Variants in SNX29 observed in about 807,000 individuals in gnomAD.
SNX29 encodes the protein sorting nexin-29.
In SNX29, 78 loss-of-function variants were observed where a neutral mutation model predicts 102.1. That is an observed-to-expected ratio of 0.76 (90% CI 0.64 to 0.92). The LOEUF is 0.92. Among genes scored for constraint, SNX29 ranks in the 40% least tolerant of loss-of-function variants. The probability of loss-of-function intolerance (pLI) is 0.00; values close to 1 mark genes in which losing one functional copy is unlikely to be tolerated. For missense variants in SNX29, 1,280 were observed against 1,061.7 expected (o/e 1.21, Z -2.86); for synonymous variants, 580 against 414.5 (o/e 1.40, Z -4.85).
chr16:12,548,791 T>TCA (rs2077774253), intron 20 of SNX29, among the ~76,000 whole-genome samples: 1 of 152,190 alleles, frequency 6.6e-6, no homozygotes, highest in South Asian at 2.1e-4. Context: ...CAGTGCTGGG[T>TCA]CATAGCTGGG....
intron 18 of SNX29, among the ~76,000 whole-genome samples, chr16:12,455,761 C>T (rs928003354): frequency 6.6e-6 from 1 of 152,210 alleles, no homozygotes; most frequent in Non-Finnish European, 1.5e-5. Context: ...ATCCTTTGCT[C>T]ACTGCCAGAT....
intron 13 of SNX29, among the ~76,000 whole-genome samples, chr16:12,167,821 C>T (rs544998092): frequency 2.5e-4 from 38 of 152,292 alleles, no homozygotes; most frequent in Admixed American, 9.2e-4. Flanking sequence ...GCAGGGCCAC[C>T]GTTTATTTCG....
intron 10 of SNX29, among the ~76,000 whole-genome samples, chr16:12,071,114 T>G (rs1271210265): frequency 6.6e-6 from 1 of 151,964 alleles, no homozygotes; most frequent in East Asian, 1.9e-4. Context: ...TCCCATTCTG[T>G]AGGTTGCCTG....
At chr16:12,487,563 C>T (rs1597575015) in intron 19 of SNX29, among the ~76,000 whole-genome samples, 1 of 152,306 alleles carries the variant, frequency 6.6e-6, no homozygotes, top group East Asian at 1.9e-4. Context: ...CACCACCCAG[C>T]CCTCCGTGGA....
chr16:12,389,558 C>G (rs1393508807), intron 16 of SNX29, among the ~76,000 whole-genome samples: 3 of 152,108 alleles, frequency 2.0e-5, no homozygotes, highest in Non-Finnish European at 1.5e-5. Flanking sequence ...TCCATTAAAC[C>G]TCTTTCCTTT....
chr16:12,396,003 C>T (rs1191585227), intron 16 of SNX29, among the ~76,000 whole-genome samples: 3 of 152,134 alleles, frequency 2.0e-5, no homozygotes, highest in Admixed American at 1.3e-4. Context: ...AATTCTTTTT[C>T]GAAGCAGCCT....
At chr16:12,333,683 T>C (rs569665411) in intron 15 of SNX29, among the ~76,000 whole-genome samples, 13 of 152,122 alleles carry the variant, frequency 8.5e-5, no homozygotes, top group Non-Finnish European at 1.5e-4. Flanking sequence ...TCTAATCTTT[T>C]CATGGCTCCT....
In SNX29 at chr16:12,459,815, A is replaced by C. The variant is rs551494885; in HGVS notation, c.2038-17904A>C. ...CTTTCCAGCTCTTGCTTTTTTTGAG[A>C]TACCCTTGTACCCGTCCAGTAATAC... On this transcript the variant is annotated intron_variant, in intron 18 of 20. Transcript: ENST00000566228. Among the ~76,000 whole-genome samples, 32 of 151,974 alleles carry C rather than the reference A, an allele frequency of 2.1e-4. No individual in the cohort carries two copies. In the East Asian group the frequency reaches 6.2e-3, roughly 29 times the overall value.
chr16:12,398,240 C>G (rs1393714542), intron 16 of SNX29, among the ~76,000 whole-genome samples: 1 of 152,200 alleles, frequency 6.6e-6, no homozygotes, highest in Non-Finnish European at 1.5e-5. Context: ...TGAGATCCCT[C>G]ATGGTGGCAT....
chr16:12,012,473 G>C (rs886724274), intron 3 of SNX29, among the ~76,000 whole-genome samples: 4 of 152,050 alleles, frequency 2.6e-5, no homozygotes, highest in Non-Finnish European at 4.4e-5. Context: ...CAGTGGTGCA[G>C]TCTTGGCTCA....
At chr16:12,517,278 C>T (rs2089907781) in intron 19 of SNX29, among the ~76,000 whole-genome samples, 1 of 152,218 alleles carries the variant, frequency 6.6e-6, no homozygotes, top group African/African-American at 2.4e-5. Flanking sequence ...CCAGAAAACT[C>T]ACAGATCCCT....
Position 12,199,584 on chromosome 16 carries a change from C to T in SNX29, c.1596-17C>T, listed in dbSNP as rs2076863326. 6.2e-7 allele frequency: 1 copy of T among 1,600,192 alleles called. No individual in the cohort carries two copies. Among genetic ancestry groups the T allele is most frequent in the African/African-American group, 1.3e-5 (1 of 74,134 alleles). On this transcript the variant is annotated splice_polypyrimidine_tract_variant and intron_variant, in intron 13 of 20. Transcript: ENST00000566228. Reference sequence around the variant, plus strand: ...ACTTTTTAAATATATATTTTTTTAACATTCTTGTACCTGCAGAGAGAACGA... The same window carrying T: ...ACTTTTTAAATATATATTTTTTTAATATTCTTGTACCTGCAGAGAGAACGA...
chr16:12,388,184 C>A (rs924332180), intron 16 of SNX29, among the ~76,000 whole-genome samples: 12 of 152,144 alleles, frequency 7.9e-5, no homozygotes, highest in Admixed American at 7.9e-4. Flanking sequence ...CATGTTTCTT[C>A]TGGGGGAGAC....
chr16:12,442,994 G>T (rs1330486424), intron 18 of SNX29: 1 of 455,676 alleles, frequency 2.2e-6, no homozygotes, highest in Admixed American at 2.4e-5. Context: ...TTTTTTTCCA[G>T]CTATTTAAAA....
At chr16:12,375,699 A>G (rs1042616511) in intron 16 of SNX29, 3 of 152,252 alleles carry the variant, frequency 2.0e-5, no homozygotes, top group Non-Finnish European at 2.9e-5. Flanking sequence ...AGAGAGACCA[A>G]CTAAATGGGA....
rs572420534 is a variant in SNX29, at chr16:12,466,536, C to G, written c.2038-11183C>G. ...AACCTGCCGTCAGATGTGGCACCCCCCCTTCCAGAGTCGCGGCCTGTCTTC... is the reference window on the plus strand; with the variant it reads ...AACCTGCCGTCAGATGTGGCACCCCGCCTTCCAGAGTCGCGGCCTGTCTTC... On this transcript the variant is annotated intron_variant, in intron 18 of 20. Transcript: ENST00000566228. 3.9e-5 allele frequency among the ~76,000 whole-genome samples: 6 copies of G among 152,326 alleles called. No homozygotes were observed. The South Asian group carries it at 8.3e-4, about 21-fold the overall frequency.
At chr16:12,186,283 C>T (rs1478396983) in intron 13 of SNX29, among the ~76,000 whole-genome samples, 1 of 151,822 alleles carries the variant, frequency 6.6e-6, no homozygotes, top group Non-Finnish European at 1.5e-5. Flanking sequence ...ATTGCAGGGA[C>T]AAAAAAAGAA....
chr16:12,012,452 A>T (rs929591951), intron 3 of SNX29, among the ~76,000 whole-genome samples: 3 of 152,132 alleles, frequency 2.0e-5, no homozygotes, highest in Admixed American at 2.0e-4. Context: ...TTTGTTGTCC[A>T]GGCTGGAGTA....
chr16:12,566,861 C>T (rs1163109610), intron 20 of SNX29, among the ~76,000 whole-genome samples: 1 of 152,226 alleles, frequency 6.6e-6, no homozygotes, highest in Non-Finnish European at 1.5e-5. Context: ...TTCATCCATG[C>T]ACAGAAGGCA....
Sources: gnomAD v4.1 joint callset for allele counts (sites outside exome capture counted in the v4.1 genomes callset) on GRCh38, gnomAD v4.1.1 for gene constraint, MANE v1.5 for transcripts, NCBI Gene and HGNC (gene_info 2026-07-23, HGNC 2026-07-21) for gene names.